The following SHISA9 variants were observed in gnomAD, a reference collection of about 807,000 sequenced individuals.
SHISA9 encodes the protein protein shisa-9.
A neutral mutation model predicts 38.0 loss-of-function variants in SHISA9; 13 were observed. The ratio of observed to expected loss-of-function variants is 0.34; its 90% CI spans 0.22 to 0.54. SHISA9 has a LOEUF of 0.54. Ranked by LOEUF, SHISA9 falls within the 20% of genes least tolerant of loss-of-function variation. The pLI is 0.91. For missense variants in SHISA9, 538 were observed against 575.8 expected, an observed-to-expected ratio of 0.93 and a Z score of 0.67; for synonymous variants, 275 against 242.0, an observed-to-expected ratio of 1.14 and a Z score of -1.27.
intron 2 of SHISA9, among the ~76,000 whole-genome samples, chr16:13,182,158 T>G (rs1401962924): frequency 6.6e-6 from 1 of 152,222 alleles, no homozygotes; most frequent in African/African-American, 2.4e-5. Flanking sequence ...TGCCATAGTA[T>G]CTCTCATTTA....
the SHISA9 span, among the ~76,000 whole-genome samples, chr16:13,520,567 C>T: frequency 1.5e-5 from 2 of 134,878 alleles, no homozygotes; most frequent in Non-Finnish European, 3.1e-5. Context: ...GGCGCCATTG[C>T]ACTCCAGCCT....
chr16:13,416,021 A>G, the SHISA9 span, among the ~76,000 whole-genome samples: 1 of 152,190 alleles, frequency 6.6e-6, no homozygotes, highest in Admixed American at 6.5e-5. Context: ...GGCATTGGTG[A>G]TGCTCTTTTA....
At chr16:12,988,898 G>A (rs913411436) in intron 2 of SHISA9, among the ~76,000 whole-genome samples, 3 of 152,132 alleles carry the variant, frequency 2.0e-5, no homozygotes, top group Non-Finnish European at 1.5e-5. Context: ...CCTGTTGTAA[G>A]TATTCACCTG....
At chr16:13,365,902 C>G in the SHISA9 span, among the ~76,000 whole-genome samples, 1 of 152,038 alleles carries the variant, frequency 6.6e-6, no homozygotes, top group Non-Finnish European at 1.5e-5. Context: ...GGATTTGAAC[C>G]TTTGAAAAAA....
the SHISA9 span, among the ~76,000 whole-genome samples, chr16:13,261,774 G>C: frequency 6.6e-6 from 1 of 152,148 alleles, no homozygotes; most frequent in African/African-American, 2.4e-5. Flanking sequence ...AATGGATATG[G>C]GCTGGTGATC....
the SHISA9 span, among the ~76,000 whole-genome samples, chr16:13,278,546 C>T: frequency 1.3e-5 from 2 of 151,816 alleles, no homozygotes; most frequent in Admixed American, 6.6e-5. Flanking sequence ...CATCTGGTCC[C>T]GGAGTTTTTT....
the SHISA9 span, among the ~76,000 whole-genome samples, chr16:13,455,023 T>A: frequency 4.0e-5 from 6 of 149,868 alleles, no homozygotes; most frequent in South Asian, 4.3e-4. Flanking sequence ...CTTTTTTTTT[T>A]ATCATATCCC....
intron 2 of SHISA9, among the ~76,000 whole-genome samples, chr16:13,192,631 A>C (rs932449624): frequency 6.6e-6 from 1 of 152,082 alleles, no homozygotes; most frequent in African/African-American, 2.4e-5. Context: ...TCTGGATAGA[A>C]GAAACAGGCC....
At chr16:13,015,858 C>CTTTGTTTCTTTCTTTG (rs879889298) in intron 2 of SHISA9, among the ~76,000 whole-genome samples, 54 of 59,748 alleles carry the variant, frequency 9.0e-4, no homozygotes, top group Non-Finnish European at 1.2e-3. Context: ...CTTTCCCTTT[C>CTTTGTTTCTTTCTTTG]TTTCTTTCTT....
intron 2 of SHISA9, among the ~76,000 whole-genome samples, chr16:13,132,084 G>GA (rs1393794328): frequency 6.6e-6 from 1 of 152,170 alleles, no homozygotes; most frequent in Non-Finnish European, 1.5e-5. Flanking sequence ...TTCTAAAAAT[G>GA]AATGTATCAG....
chr16:13,107,427 G>C (rs965139105), intron 2 of SHISA9, among the ~76,000 whole-genome samples: 1 of 147,264 alleles, frequency 6.8e-6, no homozygotes, highest in African/African-American at 2.5e-5. Flanking sequence ...AGAGAGACTC[G>C]GTCTGAAAAC....
chr16:13,254,939 G>C, the SHISA9 span, among the ~76,000 whole-genome samples: 2 of 152,234 alleles, frequency 1.3e-5, no homozygotes, highest in Non-Finnish European at 2.9e-5. Context: ...AACTTGAGCT[G>C]TTTGAGCAGC....
chr16:13,348,722 A>G, the SHISA9 span, among the ~76,000 whole-genome samples: 3 of 151,936 alleles, frequency 2.0e-5, no homozygotes, highest in Non-Finnish European at 2.9e-5. Flanking sequence ...TAATCAGACT[A>G]TGCTCAGGGA....
At chr16:12,995,127 G>T (rs1567175815) in intron 2 of SHISA9, among the ~76,000 whole-genome samples, 1 of 151,756 alleles carries the variant, frequency 6.6e-6, no homozygotes, top group Non-Finnish European at 1.5e-5. Flanking sequence ...CTATATTTAT[G>T]GGGTACATGA....
the SHISA9 span, among the ~76,000 whole-genome samples, chr16:13,434,419 G>GTTTTTTTTTTTTTTTTTTTTTTTTTTTTT: frequency 1.4e-4 from 9 of 64,564 alleles, 1 homozygote; most frequent in Non-Finnish European, 2.9e-4. Flanking sequence ...GACAAGCTAT[G>GTTTTTTTTTTTTTTTTTTTTTTTTTTTTT]TTTTTTTTTT....
intron 2 of SHISA9, among the ~76,000 whole-genome samples, chr16:12,984,230 C>T (rs2072278090): frequency 6.6e-6 from 1 of 152,134 alleles, no homozygotes; most frequent in African/African-American, 2.4e-5. Flanking sequence ...AGGAAATGAG[C>T]AGAGGAGGTG....
At chr16:13,017,578 G>C (rs568900509) in intron 2 of SHISA9, among the ~76,000 whole-genome samples, 2 of 149,046 alleles carry the variant, frequency 1.3e-5, no homozygotes, top group African/African-American at 4.9e-5. Context: ...ACAATAATTC[G>C]TTGACTGGTA....
the SHISA9 span, among the ~76,000 whole-genome samples, chr16:13,338,986 G>A: frequency 2.0e-5 from 3 of 152,088 alleles, no homozygotes; most frequent in Non-Finnish European, 4.4e-5. Context: ...ATTTCAGGGA[G>A]GGATTCTAAC....
At chr16:13,478,453 C>G in the SHISA9 span, among the ~76,000 whole-genome samples, 1,050 of 152,218 alleles carry the variant, frequency 6.9e-3, 13 homozygotes, top group African/African-American at 0.023. Flanking sequence ...TCTTAGGGTC[C>G]TATAAGTCTG....
Sources: allele counts gnomAD v4.1 joint callset (sites outside exome capture counted in the v4.1 genomes callset), GRCh38; gene constraint gnomAD v4.1.1; transcripts MANE v1.5; gene names NCBI Gene and HGNC (gene_info 2026-07-23, HGNC 2026-07-21).